The following ATP9B variants were observed in gnomAD, a reference collection of about 807,000 sequenced individuals.
The protein encoded by ATP9B is probable phospholipid-transporting ATPase IIB.
ATP9B carries 110 observed loss-of-function variants against 146.1 expected under a neutral mutation model. The observed-to-expected ratio is 0.75, with a 90% confidence interval of 0.65 to 0.88. The LOEUF is 0.88. ATP9B is among the 40% of genes least tolerant of loss of function. The pLI is 0.00. For synonymous variants in ATP9B, 604 were observed against 569.7 expected, an observed-to-expected ratio of 1.06 and a Z score of -0.86; for missense variants, 1,499 against 1,496.4, an observed-to-expected ratio of 1.00 and a Z score of -0.03.
chr18:79,096,194 G>T (rs2074766491), intron 1 of ATP9B, among the ~76,000 whole-genome samples: 1 of 152,100 alleles, frequency 6.6e-6, no homozygotes, highest in Non-Finnish European at 1.5e-5. Flanking sequence ...GAGCAGCATT[G>T]GTTGTGCTGT....
At chr18:79,139,405 A>G (rs1488500757) in intron 5 of ATP9B, among the ~76,000 whole-genome samples, 1 of 152,186 alleles carries the variant, frequency 6.6e-6, no homozygotes, top group Admixed American at 6.5e-5. Flanking sequence ...TATACCACAA[A>G]CACGTGACTC....
At chr18:79,327,536 AGCGTGCTCTCCGTGGTT>A (rs1568697066) in intron 15 of ATP9B, among the ~76,000 whole-genome samples, 15 of 137,990 alleles carry the variant, frequency 1.1e-4, no homozygotes, top group African/African-American at 3.7e-4. Context: ...CTCCGTGGTT[AGCGTGCTCTCCGTGGTT>A]AGCGTGCTCT....
At chr18:79,076,799 A>G (rs749194945) in intron 1 of ATP9B, among the ~76,000 whole-genome samples, 4 of 152,000 alleles carry the variant, frequency 2.6e-5, no homozygotes, top group Admixed American at 2.0e-4. Context: ...CTTTTCTTGT[A>G]CCATAGGGTC....
intron 10 of ATP9B, among the ~76,000 whole-genome samples, chr18:79,210,753 G>A (rs2095577074): frequency 6.6e-6 from 1 of 152,222 alleles, no homozygotes; most frequent in Admixed American, 6.5e-5. Flanking sequence ...GCATCTGCGA[G>A]TTGGAGTGTG....
chr18:79,227,197 T>C (rs1333408943), intron 11 of ATP9B, among the ~76,000 whole-genome samples: 2 of 152,140 alleles, frequency 1.3e-5, no homozygotes, highest in Admixed American at 6.5e-5. Context: ...TGTTTTTACT[T>C]CCACAGACAG....
chr18:79,119,312 G>A (rs1447360039), intron 4 of ATP9B, among the ~76,000 whole-genome samples: 1 of 152,104 alleles, frequency 6.6e-6, no homozygotes, highest in Admixed American at 6.6e-5. Flanking sequence ...GGCCATACTT[G>A]AGTGAAGTGT....
intron 17 of ATP9B, among the ~76,000 whole-genome samples, chr18:79,331,046 G>C (rs771468346): frequency 1.2e-4 from 18 of 152,170 alleles, no homozygotes; most frequent in Non-Finnish European, 2.4e-4. Flanking sequence ...AGGATTTGTA[G>C]GTAGCCTCAT....
intron 11 of ATP9B, among the ~76,000 whole-genome samples, chr18:79,218,038 G>A (rs140478271): frequency 1.3e-5 from 2 of 152,326 alleles, no homozygotes; most frequent in South Asian, 2.1e-4. Context: ...AGTGGTTATC[G>A]GTCAGGATAG....
At chr18:79,288,850 A>G (rs180949582) in intron 13 of ATP9B, among the ~76,000 whole-genome samples, 44 of 152,136 alleles carry the variant, frequency 2.9e-4, no homozygotes, top group African/African-American at 9.4e-4. Context: ...TCTGTAAAGT[A>G]TTTTATTTCT....
At chr18:79,185,999 G>A (rs2095305021) in intron 8 of ATP9B, among the ~76,000 whole-genome samples, 1 of 152,200 alleles carries the variant, frequency 6.6e-6, no homozygotes, top group South Asian at 2.1e-4. Flanking sequence ...AGCCTGTAAT[G>A]GCAGGTGCAG....
At chr18:79,221,812 CTT>C (rs11296943) in intron 11 of ATP9B, among the ~76,000 whole-genome samples, 46 of 135,226 alleles carry the variant, frequency 3.4e-4, no homozygotes, top group Non-Finnish European at 4.4e-4. Context: ...ATTATAAAGG[CTT>C]TTTTTTTTTT....
chr18:79,224,959 C>A (rs929241983), intron 11 of ATP9B, among the ~76,000 whole-genome samples: 1 of 152,192 alleles, frequency 6.6e-6, no homozygotes, highest in Non-Finnish European at 1.5e-5. Context: ...CCAGGAACCA[C>A]GACCACAGTA....
chr18:79,252,816 T>C (rs2096040735), intron 11 of ATP9B, among the ~76,000 whole-genome samples: 1 of 148,996 alleles, frequency 6.7e-6, no homozygotes, highest in Non-Finnish European at 1.5e-5. Context: ...TTTTTTTTTC[T>C]GTAAGACAAG....
intron 15 of ATP9B, among the ~76,000 whole-genome samples, chr18:79,320,216 A>C (rs2096707577): frequency 6.6e-6 from 1 of 152,230 alleles, no homozygotes; most frequent in Non-Finnish European, 1.5e-5. Context: ...AGCACAGTGC[A>C]CCTGGACCTG....
rs371903534 is a variant in ATP9B at position 79,127,205 on chromosome 18, A to G, written c.667+830A>G. On this transcript the variant is annotated intron_variant, in intron 5 of 29. Coordinates refer to ENST00000426216, the MANE Select transcript of ATP9B (RefSeq NM_198531.5). ...ACCTTATTGGGCTCTATTTCACATA[A>G]CATAAAATTTATCCATGTAAAGTAT... is the stretch of plus-strand genomic sequence containing the variant. Among the ~76,000 whole-genome samples, 6 of 152,330 alleles carry G rather than the reference A, an allele frequency of 3.9e-5. No individual in the cohort carries two copies. The South Asian group carries it at 6.2e-4, about 16-fold the overall frequency.
intron 8 of ATP9B, among the ~76,000 whole-genome samples, chr18:79,183,306 T>G (rs1236944180): frequency 6.6e-6 from 1 of 152,188 alleles, no homozygotes; most frequent in Non-Finnish European, 1.5e-5. Context: ...GAATTTTGAT[T>G]ATTTGGCCAA....
chr18:79,347,677 T>C (rs1038035272), intron 23 of ATP9B, 93 bp from the exon 24 acceptor site: 98 of 1,392,644 alleles, frequency 7.0e-5, no homozygotes, highest in Middle Eastern at 2.3e-4. Context: ...TTTCGGTCTT[T>C]GTAACATTTA....
At chr18:79,175,757 T>C (rs905232773) in intron 7 of ATP9B, among the ~76,000 whole-genome samples, 1 of 151,990 alleles carries the variant, frequency 6.6e-6, no homozygotes, top group Non-Finnish European at 1.5e-5. Context: ...CAAATACATA[T>C]GTACACATGC....
chr18:79,069,626 C>T, intron 1 of ATP9B, 97 bp downstream of exon 1: 2 of 727,004 alleles, frequency 2.8e-6, no homozygotes, highest in Middle Eastern at 4.5e-4. Context: ...GGGGTCGCTA[C>T]CGGCGCGCCC....
Sources: allele counts gnomAD v4.1 joint callset (sites outside exome capture counted in the v4.1 genomes callset), GRCh38; gene constraint gnomAD v4.1.1; transcripts MANE v1.5; gene names NCBI Gene and HGNC (gene_info 2026-07-23, HGNC 2026-07-21).